The following RGS5 variants were observed in gnomAD, a reference collection of about 807,000 sequenced individuals.
RGS5 encodes the protein regulator of G protein signaling 5, also known as regulator of G-protein signalling 5.
Under a neutral mutation model 18.9 loss-of-function variants are expected in RGS5, and 20 were observed. That is an observed-to-expected ratio of 1.06 (90% confidence interval 0.74 to 1.54). The LOEUF (loss-of-function observed/expected upper bound fraction) is 1.54. Among genes scored for constraint, RGS5 ranks in the 40% most tolerant of loss-of-function variants. The pLI, the probability that RGS5 is intolerant of heterozygous loss-of-function variation, is 0.00. For synonymous variants in RGS5, 57 were observed against 76.2 expected (o/e 0.75, Z 1.31); for missense variants, 201 against 211.8 (o/e 0.95, Z 0.32).
At chr1:163,251,892 A>T (rs900914013) in intron 2 of RGS5, among the ~76,000 whole-genome samples, 1 of 152,154 alleles carries the variant, frequency 6.6e-6, no homozygotes, top group Non-Finnish European at 1.5e-5. Context: ...CCATTTATTT[A>T]AACATTCATT....
intron 1 of RGS5, among the ~76,000 whole-genome samples, chr1:163,172,096 A>G (rs1658327370): frequency 6.6e-6 from 1 of 152,208 alleles, no homozygotes; most frequent in Admixed American, 6.5e-5. Context: ...TTTGTACTGC[A>G]AGAGGGTGAA....
intron 2 of RGS5, among the ~76,000 whole-genome samples, chr1:163,281,738 A>T (rs979062113): frequency 6.6e-6 from 1 of 152,214 alleles, no homozygotes; most frequent in South Asian, 2.1e-4. Context: ...CTAATCGAAC[A>T]GCATGGAGAA....
At chr1:163,164,312 T>C (rs1031673675) in intron 2 of RGS5, among the ~76,000 whole-genome samples, 4 of 152,242 alleles carry the variant, frequency 2.6e-5, no homozygotes, top group Admixed American at 2.6e-4. Context: ...AGGATGGGTA[T>C]GGAGTTTCTG....
At chr1:163,160,996 A>C (rs1234598930) in intron 3 of RGS5, among the ~76,000 whole-genome samples, 1 of 152,270 alleles carries the variant, frequency 6.6e-6, no homozygotes, top group African/African-American at 2.4e-5. Context: ...AACATAAGGC[A>C]GCAAGTATTA....
chr1:163,202,857 T>C lies in RGS5; in HGVS notation c.-22A>G. 1 of 1,612,482 alleles carries C rather than the reference T, an allele frequency of 6.2e-7. No homozygotes were observed. The highest frequency in any genetic ancestry group is 2.2e-5 in the East Asian group (1 of 44,858). On this transcript the variant is annotated 5_prime_UTR_variant, in exon 1 of 5. Coordinates refer to ENST00000313961, the MANE Select transcript of RGS5 (RefSeq NM_003617.4). The stretch of plus-strand genomic sequence containing the variant: ...ACATTTTGGCAGGTGGCTTAGCTCC[T>C]CCGCTTTAAGTACAACTTCTTAACA...
intron 2 of RGS5, among the ~76,000 whole-genome samples, chr1:163,294,662 G>C (rs1571346267): frequency 3.9e-5 from 6 of 152,344 alleles, no homozygotes; most frequent in Admixed American, 3.9e-4. Context: ...TAATAGGCTT[G>C]AATTTCTCCC....
At chr1:163,247,001 T>G (rs1475054400) in intron 2 of RGS5, among the ~76,000 whole-genome samples, 1 of 152,200 alleles carries the variant, frequency 6.6e-6, no homozygotes, top group Non-Finnish European at 1.5e-5. Flanking sequence ...AAATACTGCA[T>G]GTTCTCACTT....
intron 1 of RGS5, among the ~76,000 whole-genome samples, chr1:163,201,541 A>T (rs1380993912): frequency 6.6e-6 from 1 of 152,128 alleles, no homozygotes; most frequent in Non-Finnish European, 1.5e-5. Context: ...AGTATGCACA[A>T]GGTCATTAGG....
At chr1:163,179,782 A>G (rs903502827) in intron 1 of RGS5, among the ~76,000 whole-genome samples, 1 of 152,220 alleles carries the variant, frequency 6.6e-6, no homozygotes, top group African/African-American at 2.4e-5. Flanking sequence ...AGAGGATCAC[A>G]TTCAATATAT....
chr1:163,162,726 A>T (rs899266013), intron 2 of RGS5: 2 of 152,138 alleles, frequency 1.3e-5, no homozygotes, highest in Non-Finnish European at 2.9e-5. Flanking sequence ...CTATTTTAAC[A>T]TTTATATATG....
intron 1 of RGS5, among the ~76,000 whole-genome samples, chr1:163,190,158 C>G (rs1487423227): frequency 1.3e-5 from 2 of 152,014 alleles, no homozygotes; most frequent in Non-Finnish European, 2.9e-5. Context: ...ATTGCTCAAG[C>G]CCAAGCAATA....
intron 1 of RGS5, among the ~76,000 whole-genome samples, chr1:163,180,688 T>TG (rs1557893032): frequency 9.0e-6 from 1 of 110,498 alleles, no homozygotes; most frequent in Admixed American, 8.7e-5. Context: ...CTTACCCTGT[T>TG]TTTTTTTTTT....
intron 2 of RGS5, among the ~76,000 whole-genome samples, chr1:163,303,378 A>G (rs1434129124): frequency 6.6e-6 from 1 of 152,196 alleles, no homozygotes; most frequent in Non-Finnish European, 1.5e-5. Flanking sequence ...GATAGCTTTG[A>G]AAAGAATCAT....
At chr1:163,241,826 G>T (rs1413474829) in intron 2 of RGS5, among the ~76,000 whole-genome samples, 1 of 152,322 alleles carries the variant, frequency 6.6e-6, no homozygotes, top group Non-Finnish European at 1.5e-5. Flanking sequence ...CACTGGAGAC[G>T]AAGTGTTGGC....
At chr1:163,200,416 A>T (rs1177755885) in intron 1 of RGS5, among the ~76,000 whole-genome samples, 1 of 152,168 alleles carries the variant, frequency 6.6e-6, no homozygotes, top group Non-Finnish European at 1.5e-5. Flanking sequence ...ATTGAAGCAT[A>T]TCCATGTTCC....
intron 3 of RGS5, among the ~76,000 whole-genome samples, chr1:163,159,614 C>T (rs942786671): frequency 3.9e-5 from 6 of 152,152 alleles, no homozygotes; most frequent in South Asian, 2.1e-4. Flanking sequence ...TGGGCTACTT[C>T]GAATGGATTA....
intron 1 of RGS5, among the ~76,000 whole-genome samples, chr1:163,314,412 G>A (rs957348441): frequency 1.3e-5 from 2 of 152,036 alleles, no homozygotes; most frequent in African/African-American, 4.8e-5. Context: ...AAAAGATATA[G>A]AGAACTTAGA....
chr1:163,222,117 T>C (rs901631236), upstream of RGS5, among the ~76,000 whole-genome samples: 19 of 152,090 alleles, frequency 1.2e-4, no homozygotes, highest in African/African-American at 4.1e-4. Context: ...TTCAATATAT[T>C]ACCTCAGGGG....
At chr1:163,209,743 T>G (rs542785528) in intron 1 of RGS5, among the ~76,000 whole-genome samples, 14 of 152,152 alleles carry the variant, frequency 9.2e-5, no homozygotes, top group Admixed American at 2.6e-4. Flanking sequence ...AGTTTTATTG[T>G]CAGTTTTCTA....
Sources: allele counts gnomAD v4.1 joint callset (sites outside exome capture counted in the v4.1 genomes callset), GRCh38; gene constraint gnomAD v4.1.1; transcripts MANE v1.5; gene names NCBI Gene and HGNC (gene_info 2026-07-23, HGNC 2026-07-21).